Variants in PPFIA2 observed in about 807,000 individuals in gnomAD.
PPFIA2 encodes the protein liprin-alpha-2.
Under a neutral mutation model 175.5 loss-of-function variants are expected in PPFIA2, and 46 were observed. The ratio of observed to expected loss-of-function variants is 0.26; its 90% CI spans 0.21 to 0.34. PPFIA2 has a LOEUF of 0.34. PPFIA2 is among the 10% of genes least tolerant of loss of function. The pLI, the probability that PPFIA2 is intolerant of heterozygous loss-of-function variation, is 1.00. For missense variants in PPFIA2, 1,179 were observed against 1,506.1 expected (o/e 0.78, Z 3.60); for synonymous variants, 568 against 511.4 (o/e 1.11, Z -1.49).
intron 4 of PPFIA2, 41 bp from the exon 5 acceptor site, chr12:81,457,907 C>T: frequency 1.5e-6 from 2 of 1,338,882 alleles, no homozygotes; most frequent in Non-Finnish European, 2.0e-6. Flanking sequence ...TATTCAAGAT[C>T]TAAAAGCAGA....
In PPFIA2 at chr12:81,579,897, A is replaced by G. The variant is rs150594937; in HGVS notation, c.303+96894T>C. Among the ~76,000 whole-genome samples, 24 of 151,944 alleles carry G rather than the reference A, an allele frequency of 1.6e-4. 1 individual carries two copies. The highest frequency in any genetic ancestry group is 5.8e-4 in the African/African-American group (24 of 41,514). On this transcript the variant is annotated intron_variant, in intron 4 of 32. Coordinates refer to ENST00000549396, the MANE Select transcript of PPFIA2 (RefSeq NM_003625.5). ...TTTTCTCCTACATATTTTCTGCATCATCTCTGGAGGTAGTCTTGGTAGTCT... is the reference window on the plus strand; with the variant it reads ...TTTTCTCCTACATATTTTCTGCATCGTCTCTGGAGGTAGTCTTGGTAGTCT...
intron 4 of PPFIA2, among the ~76,000 whole-genome samples, chr12:81,477,328 A>G (rs975677992): frequency 9.9e-5 from 15 of 152,194 alleles, no homozygotes; most frequent in African/African-American, 3.6e-4. Context: ...AAAGGCTTTC[A>G]CCTGGAAAGC....
In PPFIA2 at chr12:81,291,684, G is replaced by A. The variant is rs192325686; in HGVS notation, c.2925+3151C>T. On this transcript the variant is annotated intron_variant, in intron 24 of 32. Transcript: ENST00000549396. The stretch of plus-strand genomic sequence containing the variant: ...AAGAACTGTAAAATGTTGTTTATAA[G>A]TACATGGAGTGGTAACTCAGGAAGG... 2.6e-3 allele frequency among the ~76,000 whole-genome samples: 392 copies of A among 152,090 alleles called. 2 individuals carry two copies. Among genetic ancestry groups the A allele is most frequent in the African/African-American group, 8.7e-3 (363 of 41,536 alleles).
At chr12:81,274,074 G>A (rs1167746582) in intron 28 of PPFIA2, among the ~76,000 whole-genome samples, 1 of 152,050 alleles carries the variant, frequency 6.6e-6, no homozygotes, top group Non-Finnish European at 1.5e-5. Flanking sequence ...GAGTTGGTTA[G>A]CATCACATTT....
chr12:81,606,018 C>T (rs1324375070), intron 4 of PPFIA2, among the ~76,000 whole-genome samples: 1 of 151,822 alleles, frequency 6.6e-6, no homozygotes, highest in Non-Finnish European at 1.5e-5. Context: ...CCTATGTTGA[C>T]GTCCCTCTGT....
At chr12:81,528,561 C>G (rs1299682679) in intron 4 of PPFIA2, among the ~76,000 whole-genome samples, 1 of 151,986 alleles carries the variant, frequency 6.6e-6, no homozygotes, top group Non-Finnish European at 1.5e-5. Context: ...ATGTGTTCAT[C>G]CCTAAGCAGC....
At chr12:81,551,543 A>G (rs2067925410) in intron 4 of PPFIA2, among the ~76,000 whole-genome samples, 1 of 152,004 alleles carries the variant, frequency 6.6e-6, no homozygotes, top group Non-Finnish European at 1.5e-5. Context: ...ATTAGATATT[A>G]TAAGCAATCT....
At chr12:81,504,112 G>A (rs957087692) in intron 4 of PPFIA2, among the ~76,000 whole-genome samples, 1 of 151,856 alleles carries the variant, frequency 6.6e-6, no homozygotes, top group Non-Finnish European at 1.5e-5. Flanking sequence ...AATAAATTAG[G>A]TATTTCCCAT....
chr12:81,665,293 C>A (rs1169740608), intron 4 of PPFIA2, among the ~76,000 whole-genome samples: 1 of 151,870 alleles, frequency 6.6e-6, no homozygotes, highest in Non-Finnish European at 1.5e-5. Context: ...ACAGATACAG[C>A]AAAAAATTAT....
intron 8 of PPFIA2, among the ~76,000 whole-genome samples, chr12:81,399,054 A>G (rs1264335212): frequency 6.6e-6 from 1 of 151,984 alleles, no homozygotes; most frequent in Non-Finnish European, 1.5e-5. Flanking sequence ...GTGAAAAAAT[A>G]CAATTAGATC....
At chr12:81,620,713 A>G (rs987564277) in intron 4 of PPFIA2, among the ~76,000 whole-genome samples, 28 of 152,350 alleles carry the variant, frequency 1.8e-4, no homozygotes, top group African/African-American at 6.5e-4. Flanking sequence ...GAGGCTCAGC[A>G]GAGGACAGAA....
intron 2 of PPFIA2, 112 bp downstream of exon 2, chr12:81,758,288 A>C: frequency 2.3e-6 from 1 of 431,688 alleles, no homozygotes; most frequent in Non-Finnish European, 4.7e-6. Context: ...CCTAACGGTA[A>C]TCAACAAGGA....
intron 18 of PPFIA2, among the ~76,000 whole-genome samples, chr12:81,345,612 C>G (rs1481897344): frequency 1.3e-5 from 2 of 152,026 alleles, no homozygotes; most frequent in Admixed American, 6.6e-5. Flanking sequence ...AAGTGTAAAA[C>G]TGTGTTGTAA....
chr12:81,557,378 A>G (rs1382272730), intron 4 of PPFIA2, among the ~76,000 whole-genome samples: 1 of 151,924 alleles, frequency 6.6e-6, no homozygotes, highest in Non-Finnish European at 1.5e-5. Flanking sequence ...CCAGTTTCTG[A>G]TAGAGTAAAG....
intron 2 of PPFIA2, 98 bp from the exon 3 acceptor site, chr12:81,754,321 C>T: frequency 7.2e-7 from 1 of 1,384,832 alleles, no homozygotes; most frequent in Non-Finnish European, 9.8e-7. Flanking sequence ...GCTTATTAGC[C>T]TATTTGTCTC....
At chr12:81,590,323 T>C (rs1453313180) in intron 4 of PPFIA2, among the ~76,000 whole-genome samples, 1 of 152,130 alleles carries the variant, frequency 6.6e-6, no homozygotes, top group Non-Finnish European at 1.5e-5. Context: ...AGAAAAATAA[T>C]GGCAGACTCT....
intron 32 of PPFIA2, chr12:81,260,332 G>A (rs1491002357): frequency 1.3e-5 from 2 of 152,120 alleles, no homozygotes; most frequent in Non-Finnish European, 2.9e-5. Context: ...GAACTAGAAT[G>A]TCATGCACAA....
At chr12:81,563,467 C>T (rs2070634439) in intron 4 of PPFIA2, among the ~76,000 whole-genome samples, 2 of 152,230 alleles carry the variant, frequency 1.3e-5, no homozygotes, top group Admixed American at 6.5e-5. Context: ...TGTGGAAAAA[C>T]GTGTTTACTC....
chr12:81,430,196 A>G (rs908834387), intron 7 of PPFIA2: 2 of 151,992 alleles, frequency 1.3e-5, no homozygotes, highest in Admixed American at 6.6e-5. Flanking sequence ...CATGTCCTTC[A>G]TTTGTGGCTT....
Sources: gnomAD v4.1 joint callset for allele counts (sites outside exome capture counted in the v4.1 genomes callset) on GRCh38, gnomAD v4.1.1 for gene constraint, MANE v1.5 for transcripts, NCBI Gene and HGNC (gene_info 2026-07-23, HGNC 2026-07-21) for gene names.